The following ANO1 variants were observed in gnomAD, a reference collection of about 807,000 sequenced individuals.
The protein encoded by ANO1 is anoctamin-1.
A neutral mutation model predicts 124.0 loss-of-function variants in ANO1; 59 were observed. The ratio of observed to expected loss-of-function variants is 0.48; its 90% CI spans 0.39 to 0.59. ANO1 has a LOEUF of 0.59. Ranked by LOEUF, ANO1 falls within the 20% of genes least tolerant of loss-of-function variation. ANO1 has a pLI of 0.00. For synonymous variants in ANO1, 529 were observed against 532.0 expected, an observed-to-expected ratio of 0.99 and a Z score of 0.08; for missense variants, 1,059 against 1,328.0, an observed-to-expected ratio of 0.80 and a Z score of 3.15.
At chr11:70,182,447 C>T (rs1010584523) in intron 23 of ANO1, 55 bp from the exon 24 acceptor site, 44 of 1,419,898 alleles carry the variant, frequency 3.1e-5, no homozygotes, top group Admixed American at 7.6e-5. Flanking sequence ...CTGTTGCGGC[C>T]GGCCCTTCTG....
At chr11:70,112,919 C>A (rs1466174316) in intron 7 of ANO1, among the ~76,000 whole-genome samples, 1 of 152,116 alleles carries the variant, frequency 6.6e-6, no homozygotes, top group Non-Finnish European at 1.5e-5. Context: ...GCAGGGATCC[C>A]GCAGGGCAGT....
chr11:70,021,590 A>G (rs1555002636), intron 1 of ANO1, among the ~76,000 whole-genome samples: 1 of 152,132 alleles, frequency 6.6e-6, no homozygotes, highest in African/African-American at 2.4e-5. Flanking sequence ...AACCTGGTCC[A>G]TTTAAAGCGG....
chr11:69,969,013 A>G, the ANO1 span, among the ~76,000 whole-genome samples: 1 of 152,246 alleles, frequency 6.6e-6, no homozygotes, highest in South Asian at 2.1e-4. Context: ...CAGCCTCTCC[A>G]GAGAGGAGCA....
intron 8 of ANO1, among the ~76,000 whole-genome samples, chr11:70,116,857 T>G (rs976702561): frequency 6.6e-6 from 1 of 152,220 alleles, no homozygotes; most frequent in African/African-American, 2.4e-5. Context: ...CTTGCTGGCA[T>G]GTGGCCTAAT....
chr11:70,131,624 G>A (rs561682287), intron 10 of ANO1, among the ~76,000 whole-genome samples: 19 of 152,318 alleles, frequency 1.2e-4, no homozygotes, highest in Admixed American at 9.8e-4. Context: ...CACCACGCCC[G>A]TCCCATTGTG....
upstream of ANO1, among the ~76,000 whole-genome samples, chr11:70,078,120 C>T (rs2509134): frequency 0.82 from 124,777 of 152,072 alleles, 51,896 homozygotes; most frequent in East Asian, 0.97. Context: ...CCCCCTTTCA[C>T]ACCCGGTATG....
chr11:69,968,440 A>C, the ANO1 span, among the ~76,000 whole-genome samples: 1 of 152,234 alleles, frequency 6.6e-6, no homozygotes, highest in African/African-American at 2.4e-5. Flanking sequence ...GCTGGAAAAG[A>C]ACGGATTTTT....
chr11:70,108,834 C>T (rs965065604), intron 6 of ANO1, among the ~76,000 whole-genome samples: 1 of 152,156 alleles, frequency 6.6e-6, no homozygotes, highest in African/African-American at 2.4e-5. Flanking sequence ...CTGAAAGCAG[C>T]GCCCCCTGAC....
the ANO1 span, among the ~76,000 whole-genome samples, chr11:69,973,409 A>G: frequency 6.6e-6 from 1 of 152,184 alleles, no homozygotes; most frequent in Non-Finnish European, 1.5e-5. Context: ...GGAAATGCTG[A>G]TTGGCTGACA....
At chr11:70,172,069 G>A (rs1318417007) in intron 22 of ANO1, among the ~76,000 whole-genome samples, 1 of 148,028 alleles carries the variant, frequency 6.8e-6, no homozygotes, top group African/African-American at 2.5e-5. Flanking sequence ...GCAGTGAGAC[G>A]TGATCATGCC....
chr11:70,077,136 A>T (rs1011572479), upstream of ANO1, among the ~76,000 whole-genome samples: 5 of 152,156 alleles, frequency 3.3e-5, no homozygotes, highest in African/African-American at 1.2e-4. Flanking sequence ...CAATTTTCTA[A>T]TCACTTCTGT....
chr11:70,153,240 G>A, intron 14 of ANO1, 112 bp downstream of exon 14: 2 of 992,932 alleles, frequency 2.0e-6, no homozygotes, highest in Admixed American at 2.2e-5. Context: ...GTAACCCCGT[G>A]TTGCGGCTGC....
intron 8 of ANO1, among the ~76,000 whole-genome samples, chr11:70,117,096 CTTTCTTTT>C (rs2046006450): frequency 1.3e-5 from 1 of 75,964 alleles, no homozygotes. Flanking sequence ...TTCTTTGTTT[CTTTCTTTT>C]TTTTTTTTTT....
the ANO1 span, among the ~76,000 whole-genome samples, chr11:69,978,212 C>T: frequency 6.6e-6 from 1 of 152,186 alleles, no homozygotes; most frequent in Non-Finnish European, 1.5e-5. Context: ...ACTCCGTGGG[C>T]CTTTTCACCA....
intron 1 of ANO1, among the ~76,000 whole-genome samples, chr11:70,044,446 C>T (rs1479388816): frequency 2.0e-4 from 31 of 152,126 alleles, no homozygotes; most frequent in Admixed American, 2.0e-3. Flanking sequence ...CTGGAAGGTG[C>T]TACCATGGGC....
At chr11:70,076,250 A>G, upstream of ANO1, among the ~76,000 whole-genome samples, 1 of 152,212 alleles carries the variant, frequency 6.6e-6, no homozygotes, top group East Asian at 1.9e-4. Context: ...CTAGAGGTTA[A>G]GCACTGTTTC....
At chr11:70,010,806 G>A (rs1555000985) in intron 1 of ANO1, among the ~76,000 whole-genome samples, 1 of 152,152 alleles carries the variant, frequency 6.6e-6, no homozygotes, top group Non-Finnish European at 1.5e-5. Flanking sequence ...ATCTCACTTG[G>A]CACAGCCTCA....
intron 1 of ANO1, chr11:70,065,022 T>G (rs781880629): frequency 2.6e-5 from 4 of 152,184 alleles, no homozygotes; most frequent in Non-Finnish European, 5.9e-5. Context: ...TTAAAAAATA[T>G]GTGGTTGAGA....
In ANO1 at chr11:70,167,296, C is replaced by G. The variant is rs755155487; in HGVS notation, c.2106C>G (p.Asp702Glu). 6.2e-7 allele frequency: 1 copy of G among 1,613,994 alleles called. No individual in the cohort carries two copies. Among genetic ancestry groups the G allele is most frequent in the Non-Finnish European group, 8.5e-7 (1 of 1,179,892 alleles). ...AGCTGAAGCAGCAGAGCCCCCCTGA[C>G]CACGAGGAGTGTGTGAAGAGGAAAC... Reference protein sequence around the residue: ...YLKLKQQSPPDHEECVKRKQR... With the variant: ...YLKLKQQSPPEHEECVKRKQR... The change falls in exon 21 of 26, where the codon GAC becomes GAG. Residue 702 changes from aspartate (D) to glutamate (E), a missense_variant. This residue lies in a region of ANO1 where 809 missense variants were observed against 1,094.9 expected (regional missense o/e 0.74). Transcript: ENST00000355303.
Sources: allele counts gnomAD v4.1 joint callset (sites outside exome capture counted in the v4.1 genomes callset), GRCh38; gene constraint gnomAD v4.1.1; regional missense constraint gnomAD v4.1.1; transcripts MANE v1.5; gene names NCBI Gene and HGNC (gene_info 2026-07-23, HGNC 2026-07-21).